The following FGF7 variants were observed in gnomAD, a reference collection of about 807,000 sequenced individuals.
FGF7 encodes the protein fibroblast growth factor 7.
A neutral mutation model predicts 20.5 loss-of-function variants in FGF7; 6 were observed. That is an observed-to-expected ratio of 0.29 (90% CI 0.16 to 0.58). The LOEUF is 0.58. Ranked by LOEUF, FGF7 falls within the 20% of genes least tolerant of loss-of-function variation. The pLI, the probability that FGF7 is intolerant of heterozygous loss-of-function variation, is 0.90. For synonymous variants in FGF7, 64 were observed against 74.7 expected (o/e 0.86, Z 0.74); for missense variants, 144 against 228.8 (o/e 0.63, Z 2.39).
At position 49,429,610 on chromosome 15, in the gene FGF7, C is replaced by T. The variant is rs548359103; in HGVS notation, c.286+5027C>T. Among the ~76,000 whole-genome samples, 37 of 152,018 alleles carry T rather than the reference C, an allele frequency of 2.4e-4. 1 individual carries two copies. The South Asian group carries it at 7.7e-3, about 31-fold the overall frequency. ...TAGATATATTGAAAGGGTTGCCTTT[C>T]TACATTTTTCTATCTCTCAACCTTG... On this transcript the variant is annotated intron_variant, in intron 2 of 3. Transcript: ENST00000267843.
At position 49,480,064 on chromosome 15, in the gene FGF7, T is replaced by C. The variant is rs558050663; in HGVS notation, c.287-3087T>C. On this transcript the variant is annotated intron_variant, in intron 2 of 3. Coordinates refer to ENST00000267843, the MANE Select transcript of FGF7 (RefSeq NM_002009.4). ...TTGTAGGACATGGAACAAAATAGAC[T>C]AGAAAATAGGGTTGATAAGCTACTG... Among the ~76,000 whole-genome samples the C allele has an allele frequency of 2.2e-4, 33 of 152,302 alleles. 1 individual carries two copies. In the South Asian group the frequency reaches 3.9e-3, roughly 18 times the overall value.
intron 2 of FGF7, among the ~76,000 whole-genome samples, chr15:49,455,320 A>G (rs1342375956): frequency 6.6e-6 from 1 of 152,176 alleles, no homozygotes; most frequent in African/African-American, 2.4e-5. Flanking sequence ...TCTAGCATGA[A>G]AATCAAGGTC....
intron 2 of FGF7, among the ~76,000 whole-genome samples, chr15:49,427,462 C>T (rs1448598701): frequency 6.6e-6 from 1 of 151,934 alleles, no homozygotes; most frequent in Non-Finnish European, 1.5e-5. Context: ...GTTTTGATGC[C>T]TTAAATTTTT....
In FGF7 at chr15:49,487,371, G is replaced by T. The variant is rs1268965746; in HGVS notation, c.*2867G>T. The T allele has an allele frequency of 6.6e-6, 1 of 151,716 alleles. No individual in the cohort carries two copies. The highest frequency in any genetic ancestry group is 1.5e-5 in the Non-Finnish European group (1 of 67,856). The allele number at this position is 151,716 out of a possible 1,614,324, so 9.4% of individuals were successfully genotyped here. A position where few individuals can be genotyped will look rare whatever the true frequency, so the allele number is the denominator to read the frequency against. ...GAAATGATAACAAAAGTAAACAAAA[G>T]ATACTTTCAAAGCAGTGAACAAAAC... On this transcript the variant is annotated 3_prime_UTR_variant, in exon 4 of 4. Coordinates refer to ENST00000267843, the MANE Select transcript of FGF7 (RefSeq NM_002009.4).
intron 2 of FGF7, among the ~76,000 whole-genome samples, chr15:49,438,365 C>A (rs1244105784): frequency 6.6e-6 from 1 of 151,734 alleles, no homozygotes; most frequent in African/African-American, 2.4e-5. Context: ...GAACTACCCA[C>A]AAAGCAATGA....
intron 2 of FGF7, among the ~76,000 whole-genome samples, chr15:49,453,253 A>G (rs1320567672): frequency 1.3e-5 from 2 of 152,066 alleles, no homozygotes; most frequent in Admixed American, 6.6e-5. Flanking sequence ...GTATAAAAAT[A>G]TATACATATT....
chr15:49,445,716 G>A (rs866837517), intron 2 of FGF7, among the ~76,000 whole-genome samples: 1 of 151,590 alleles, frequency 6.6e-6, no homozygotes, highest in Middle Eastern at 3.4e-3. Flanking sequence ...AAGTTCAGAT[G>A]ATAATAGCTG....
chr15:49,431,010 T>A (rs1412861471), intron 2 of FGF7, among the ~76,000 whole-genome samples: 1 of 151,844 alleles, frequency 6.6e-6, no homozygotes, highest in Non-Finnish European at 1.5e-5. Flanking sequence ...ATAGCTTTCT[T>A]CCTTTGTATC....
chr15:49,468,354 G>A (rs1597389177), intron 2 of FGF7, among the ~76,000 whole-genome samples: 1 of 152,120 alleles, frequency 6.6e-6, no homozygotes, highest in African/African-American at 2.4e-5. Flanking sequence ...ATGCTAATTT[G>A]AGGGGAATTA....
At chr15:49,437,432 C>A (rs774442681) in intron 2 of FGF7, among the ~76,000 whole-genome samples, 1 of 151,408 alleles carries the variant, frequency 6.6e-6, no homozygotes, top group African/African-American at 2.4e-5. Context: ...TTTAGGACTG[C>A]GCTCCACAAA....
intron 2 of FGF7, among the ~76,000 whole-genome samples, chr15:49,441,783 A>G (rs188207777): frequency 1.6e-4 from 25 of 151,622 alleles, no homozygotes; most frequent in African/African-American, 5.5e-4. Flanking sequence ...AGTATTGTGT[A>G]AAGTTTTTAA....
intron 2 of FGF7, among the ~76,000 whole-genome samples, chr15:49,454,331 T>A (rs1209178803): frequency 6.6e-6 from 1 of 152,156 alleles, no homozygotes; most frequent in Admixed American, 6.6e-5. Context: ...CTTTCCAGTT[T>A]AATTCCAGAA....
intron 2 of FGF7, among the ~76,000 whole-genome samples, chr15:49,443,947 T>C (rs1287596831): frequency 6.6e-6 from 1 of 151,728 alleles, no homozygotes; most frequent in African/African-American, 2.4e-5. Context: ...ATTTACATCA[T>C]GCTTCTACAT....
intron 2 of FGF7, among the ~76,000 whole-genome samples, chr15:49,479,615 TTTTTTTTTTTTTTG>T: frequency 1.5e-5 from 2 of 137,290 alleles, no homozygotes; most frequent in Non-Finnish European, 1.6e-5. Context: ...TTTTTTTTTT[TTTTTTTTTTTTTTG>T]TGAAATGGAG....
chr15:49,450,566 T>G (rs1228647351), intron 2 of FGF7, among the ~76,000 whole-genome samples: 3 of 152,136 alleles, frequency 2.0e-5, no homozygotes, highest in Non-Finnish European at 4.4e-5. Context: ...TATGTGCCCC[T>G]GAAAATATGA....
chr15:49,473,226 T>G (rs1399043209), intron 2 of FGF7, among the ~76,000 whole-genome samples: 2 of 151,708 alleles, frequency 1.3e-5, no homozygotes, highest in Non-Finnish European at 2.9e-5. Flanking sequence ...ACAGTTTAGT[T>G]AACTCATCCT....
intron 2 of FGF7, among the ~76,000 whole-genome samples, chr15:49,479,687 C>T (rs1462930919): frequency 1.5e-5 from 2 of 132,790 alleles, no homozygotes; most frequent in African/African-American, 5.6e-5. Context: ...AATCTCGGCT[C>T]ACTGCAACCT....
intron 2 of FGF7, among the ~76,000 whole-genome samples, chr15:49,479,812 C>A (rs530738062): frequency 1.3e-5 from 2 of 152,086 alleles, no homozygotes; most frequent in South Asian, 4.2e-4. Flanking sequence ...TGGGGTTTCA[C>A]CATATTTGCC....
chr15:49,436,074 C>G (rs1439969681), intron 2 of FGF7, among the ~76,000 whole-genome samples: 1 of 151,362 alleles, frequency 6.6e-6, no homozygotes, highest in Non-Finnish European at 1.5e-5. Flanking sequence ...AAAAAAAGAC[C>G]CTCAGGAAAC....
Sources: gnomAD v4.1 joint callset for allele counts (sites outside exome capture counted in the v4.1 genomes callset) on GRCh38, gnomAD v4.1.1 for gene constraint, MANE v1.5 for transcripts, NCBI Gene and HGNC (gene_info 2026-07-23, HGNC 2026-07-21) for gene names.